LIMCH1: variants seen among roughly 807,000 people sequenced by gnomAD.
The protein encoded by LIMCH1 is LIM and calponin homology domains-containing protein 1.
A neutral mutation model predicts 176.5 loss-of-function variants in LIMCH1; 113 were observed. The ratio of observed to expected loss-of-function variants is 0.64; its 90% confidence interval spans 0.55 to 0.75. LIMCH1 has a LOEUF of 0.75. Among genes scored for constraint, LIMCH1 ranks in the 30% least tolerant of loss-of-function variants. LIMCH1 has a pLI of 0.00. For synonymous variants in LIMCH1, 619 were observed against 645.9 expected (o/e 0.96, Z 0.63); for missense variants, 1,674 against 1,814.9 (o/e 0.92, Z 1.41).
At chr4:41,508,553 T>C (rs2074458595) in intron 2 of LIMCH1, among the ~76,000 whole-genome samples, 1 of 152,082 alleles carries the variant, frequency 6.6e-6, no homozygotes, top group Non-Finnish European at 1.5e-5. Flanking sequence ...AGGGTTAAGC[T>C]ATGAGATATG....
intron 1 of LIMCH1, among the ~76,000 whole-genome samples, chr4:41,553,849 A>G (rs113378189): frequency 0.01 from 1,547 of 152,268 alleles, 15 homozygotes; most frequent in African/African-American, 0.033. Context: ...TATGTATTGC[A>G]TACCTACTAT....
At chr4:41,395,058 A>G (rs2057651514) in intron 1 of LIMCH1, among the ~76,000 whole-genome samples, 1 of 152,186 alleles carries the variant, frequency 6.6e-6, no homozygotes, top group African/African-American at 2.4e-5. Flanking sequence ...TAAAAAGAAA[A>G]AGGAGGGGAA....
Position 41,626,997 on chromosome 4 carries a change from C to A in LIMCH1, c.1015C>A (p.Leu339Ile). 1.3e-6 allele frequency: 2 copies of A among 1,529,904 alleles called. No homozygotes were observed. The highest frequency in any genetic ancestry group is 2.4e-5 in the South Asian group (2 of 83,806). 94.8% of individuals were successfully genotyped at this position (1,529,904 alleles called of 1,614,324 possible). A position where few individuals can be genotyped will look rare whatever the true frequency, so the allele number is the denominator to read the frequency against. ...AAAGGGAATCTCAAAAAAAAGAAGT[C>A]TAGAATATAAAAGGTGTGCATGGTG... is the stretch of plus-strand genomic sequence containing the variant. Reference protein sequence around the residue: ...LSKGISKKRSLEYKRNQGHTE... With the variant: ...LSKGISKKRSIEYKRNQGHTE... The change falls in exon 8 of 32, where the codon CTA (leucine) becomes ATA (isoleucine). Residue 339 changes from leucine (L) to isoleucine (I), a missense_variant. Around this residue, in one of 3 missense-constraint regions of LIMCH1, gnomAD observed 655 missense variants for 692.2 expected, o/e 0.95. Coordinates refer to ENST00000503057, the MANE Select transcript of LIMCH1 (RefSeq NM_001330672.2).
intron 1 of LIMCH1, among the ~76,000 whole-genome samples, chr4:41,446,888 A>G (rs2063339615): frequency 6.6e-6 from 1 of 152,338 alleles, no homozygotes; most frequent in African/African-American, 2.4e-5. Flanking sequence ...ATTCTGGTAT[A>G]GATCAGTGTC....
At chr4:41,442,074 T>C (rs1441171695) in intron 1 of LIMCH1, among the ~76,000 whole-genome samples, 2 of 152,088 alleles carry the variant, frequency 1.3e-5, no homozygotes, top group African/African-American at 4.8e-5. Flanking sequence ...TCCCAGCAAT[T>C]TGGGAGGCCG....
chr4:41,632,936 G>T, intron 11 of LIMCH1, 41 bp from the exon 12 acceptor site: 1 of 1,530,632 alleles, frequency 6.5e-7, no homozygotes, highest in Non-Finnish European at 8.8e-7. Flanking sequence ...CCTCTGGTGT[G>T]AATTCTTTCC....
At chr4:41,657,585 A>G (rs373193228) in intron 18 of LIMCH1, among the ~76,000 whole-genome samples, 37 of 152,292 alleles carry the variant, frequency 2.4e-4, no homozygotes, top group African/African-American at 7.7e-4. Flanking sequence ...TCTTTTTCTC[A>G]GTGTGTATAA....
At chr4:41,517,657 T>G (rs951464306) in intron 2 of LIMCH1, among the ~76,000 whole-genome samples, 2 of 152,170 alleles carry the variant, frequency 1.3e-5, no homozygotes, top group African/African-American at 4.8e-5. Flanking sequence ...CACTTTTCCC[T>G]ATATTTTAGT....
intron 1 of LIMCH1, among the ~76,000 whole-genome samples, chr4:41,479,553 C>T (rs900367466): frequency 6.6e-5 from 10 of 152,202 alleles, no homozygotes; most frequent in Non-Finnish European, 1.5e-5. Flanking sequence ...CGCCCAGCAT[C>T]ACTCTTAATA....
At chr4:41,644,392 C>A in intron 14 of LIMCH1, 108 bp from the exon 15 acceptor site, 1 of 1,336,318 alleles carries the variant, frequency 7.5e-7, no homozygotes. Flanking sequence ...GGGAAGGGGG[C>A]AGTTTTCCAA....
intron 1 of LIMCH1, among the ~76,000 whole-genome samples, chr4:41,364,036 T>C (rs1018929255): frequency 1.3e-5 from 2 of 152,174 alleles, no homozygotes; most frequent in African/African-American, 2.4e-5. Context: ...TCTGTTACTT[T>C]GTAGCTGGAT....
chr4:41,429,024 C>T (rs558649858), intron 1 of LIMCH1, among the ~76,000 whole-genome samples: 1 of 152,184 alleles, frequency 6.6e-6, no homozygotes, highest in Non-Finnish European at 1.5e-5. Flanking sequence ...TTTGAAATCT[C>T]TTCTTGGGAA....
intron 12 of LIMCH1, 83 bp from the exon 13 acceptor site, chr4:41,633,465 G>A: frequency 6.8e-7 from 1 of 1,474,064 alleles, no homozygotes; most frequent in South Asian, 1.3e-5. Flanking sequence ...CTTCTGTCTT[G>A]AATTAACGCC....
At chr4:41,693,496 T>C (rs1314356702) in intron 31 of LIMCH1, 1 of 151,586 alleles carries the variant, frequency 6.6e-6, no homozygotes, top group Non-Finnish European at 1.5e-5. Context: ...TTAGAGCCGC[T>C]GCTATCAAAC....
chr4:41,647,680 A>C (rs1585291504), intron 17 of LIMCH1, among the ~76,000 whole-genome samples: 1 of 152,250 alleles, frequency 6.6e-6, no homozygotes, highest in East Asian at 1.9e-4. Context: ...GGAATGCATC[A>C]CTTGGAGATG....
At position 41,360,959 on chromosome 4, in the gene LIMCH1, C is replaced by T. The variant is rs894832329; in HGVS notation, c.96+23C>T. ...GAGGTAGGTGCGGGTGGCTGGCGGG[C>T]GGCCTTGCACTGGCGCCCTGAGCCA... On this transcript the variant is annotated intron_variant, in intron 1 of 26. Coordinates refer to the LIMCH1 transcript ENST00000313860. The surrounding 1 kb of genome is among the most constrained non-coding windows in gnomAD (Gnocchi z 4.5). 2.6e-6 allele frequency: 4 copies of T among 1,537,514 alleles called. No homozygotes were observed. The highest frequency in any genetic ancestry group is 1.4e-5 in the African/African-American group (1 of 72,128).
chr4:41,514,043 A>AAAAAAAAAAAAAAAAAAAT (rs2075284404), intron 2 of LIMCH1, among the ~76,000 whole-genome samples: 1 of 144,210 alleles, frequency 6.9e-6, no homozygotes, highest in South Asian at 2.3e-4. Context: ...AAAAAAAAAA[A>AAAAAAAAAAAAAAAAAAAT]AAAATTATTA....
chr4:41,528,665 G>C (rs1161269360), intron 3 of LIMCH1, among the ~76,000 whole-genome samples: 1 of 152,192 alleles, frequency 6.6e-6, no homozygotes, highest in Non-Finnish European at 1.5e-5. Flanking sequence ...ATAGAGATCT[G>C]AGAAGTGTGG....
At chr4:41,661,535 T>G in intron 19 of LIMCH1, 25 bp downstream of exon 19, 1 of 1,451,030 alleles carries the variant, frequency 6.9e-7, no homozygotes, top group Non-Finnish European at 9.7e-7. Context: ...AGACTAGTTT[T>G]AAGGCAAATC....
Sources: allele counts gnomAD v4.1 joint callset (sites outside exome capture counted in the v4.1 genomes callset), GRCh38; gene constraint gnomAD v4.1.1; regional missense constraint gnomAD v4.1.1; non-coding constraint Gnocchi (gnomAD v3.1); transcripts MANE v1.5; gene names NCBI Gene and HGNC (gene_info 2026-07-23, HGNC 2026-07-21).